RBM6: variants seen among roughly 807,000 people sequenced by gnomAD.
RBM6 encodes the protein RNA-binding protein 6.
A neutral mutation model predicts 140.4 loss-of-function variants in RBM6; 23 were observed. The ratio of observed to expected loss-of-function variants is 0.16; its 90% CI spans 0.12 to 0.23. The LOEUF is 0.23. Ranked by LOEUF, RBM6 falls within the 10% of genes least tolerant of loss-of-function variation. The probability of loss-of-function intolerance (pLI) is 1.00; values close to 1 mark genes in which losing one functional copy is unlikely to be tolerated. For synonymous variants in RBM6, 439 were observed against 475.6 expected (o/e 0.92, Z 1.00); for missense variants, 1,139 against 1,386.7 (o/e 0.82, Z 2.84).
At chr3:49,940,960 A>AT (rs1292425214) in intron 1 of RBM6, 2 of 119,618 alleles carry the variant, frequency 1.7e-5, no homozygotes, top group African/African-American at 6.7e-5. Flanking sequence ...GCGTAATTGT[A>AT]TTTTTTGCAT....
At chr3:50,043,571 C>CAT (rs756906862) in intron 6 of RBM6, among the ~76,000 whole-genome samples, 38 of 150,382 alleles carry the variant, frequency 2.5e-4, no homozygotes, top group Non-Finnish European at 4.3e-4. Flanking sequence ...TATGTACACA[C>CAT]ATATATATAT....
intron 6 of RBM6, among the ~76,000 whole-genome samples, chr3:50,041,138 G>T (rs927403160): frequency 2.0e-5 from 3 of 152,216 alleles, no homozygotes; most frequent in African/African-American, 7.2e-5. Flanking sequence ...TTTTTGTTGT[G>T]CTTTCATCTA....
intron 6 of RBM6, among the ~76,000 whole-genome samples, chr3:50,003,308 TAAAAAAAAA>T (rs61492386): frequency 3.5e-5 from 4 of 112,786 alleles, no homozygotes; most frequent in African/African-American, 1.4e-4. Context: ...TGTCTAAATT[TAAAAAAAAA>T]AAAAAAAAAA....
At chr3:50,018,583 T>G (rs922629937) in intron 6 of RBM6, among the ~76,000 whole-genome samples, 56 of 34,178 alleles carry the variant, frequency 1.6e-3, no homozygotes, top group South Asian at 7.9e-3. Context: ...AGGAGTGTGT[T>G]TTTTTTTTTT....
At position 49,962,463 on chromosome 3, in the gene RBM6, A is replaced by C. The variant is rs2084327897; in HGVS notation, c.-66-113A>C. On this transcript the variant is annotated intron_variant, in intron 1 of 20. Coordinates refer to ENST00000266022, the MANE Select transcript of RBM6 (RefSeq NM_005777.3). ...AAAAAAGAAAAGAAAGAAAAGAAAG[A>C]CCTTCAAAATTATTGCTGCTGATGT... The C allele has an allele frequency of 6.6e-6, 4 of 601,784 alleles. No homozygotes were observed. In the South Asian group the frequency reaches 9.3e-5, roughly 14 times the overall value. The allele number at this position is 601,784 out of a possible 1,614,324, so 37.3% of individuals were successfully genotyped here.
At chr3:49,987,484 T>G (rs2108691935) in intron 5 of RBM6, among the ~76,000 whole-genome samples, 1 of 151,716 alleles carries the variant, frequency 6.6e-6, no homozygotes, top group South Asian at 2.1e-4. Flanking sequence ...CCCAGCTAAA[T>G]TTTTTGTAAT....
chr3:50,041,681 G>C (rs1461940171), intron 6 of RBM6, among the ~76,000 whole-genome samples: 2 of 152,158 alleles, frequency 1.3e-5, no homozygotes, highest in East Asian at 3.8e-4. Flanking sequence ...TTTACTAGTA[G>C]CACTCTTTAT....
intron 7 of RBM6, among the ~76,000 whole-genome samples, chr3:50,053,096 A>C (rs1226006037): frequency 6.6e-6 from 1 of 151,688 alleles, no homozygotes; most frequent in Admixed American, 6.6e-5. Flanking sequence ...ATCTTCCTCA[A>C]GTGAGTTAAC....
At chr3:49,977,601 T>G (rs773544369) in intron 5 of RBM6, among the ~76,000 whole-genome samples, 53 of 152,224 alleles carry the variant, frequency 3.5e-4, no homozygotes, top group Non-Finnish European at 6.3e-4. Flanking sequence ...TTATTCCTTC[T>G]TGTTTCCACC....
intron 6 of RBM6, among the ~76,000 whole-genome samples, chr3:50,041,764 G>C (rs1450498340): frequency 6.6e-6 from 1 of 152,190 alleles, no homozygotes; most frequent in Non-Finnish European, 1.5e-5. Flanking sequence ...ACCAGTTTGA[G>C]GGATTGGCAG....
intron 6 of RBM6, among the ~76,000 whole-genome samples, chr3:50,017,445 C>CTATG (rs571389197): frequency 3.1e-4 from 47 of 151,436 alleles, no homozygotes; most frequent in Non-Finnish European, 6.3e-4. Flanking sequence ...GAAGTCCCAG[C>CTATG]TATGTGGGAG....
chr3:50,024,128 A>T (rs2087665734), intron 6 of RBM6, among the ~76,000 whole-genome samples: 1 of 152,212 alleles, frequency 6.6e-6, no homozygotes, highest in Non-Finnish European at 1.5e-5. Context: ...TTTTAAAATG[A>T]TGTGGCTTAG....
intron 1 of RBM6, among the ~76,000 whole-genome samples, chr3:49,947,535 C>T (rs532747790): frequency 6.6e-6 from 1 of 152,240 alleles, no homozygotes; most frequent in South Asian, 2.1e-4. Flanking sequence ...CAAATATTTT[C>T]TCTCTGTGGT....
intron 1 of RBM6, among the ~76,000 whole-genome samples, chr3:49,949,413 G>A (rs1041908545): frequency 6.6e-6 from 1 of 151,544 alleles, no homozygotes; most frequent in Non-Finnish European, 1.5e-5. Context: ...TTTTTTTTGA[G>A]ACGGAGTCTC....
chr3:49,989,295 C>T (rs1377248217), intron 5 of RBM6, among the ~76,000 whole-genome samples: 1 of 152,146 alleles, frequency 6.6e-6, no homozygotes, highest in Non-Finnish European at 1.5e-5. Context: ...TATTTGTGGG[C>T]CAGGCCCGGT....
chr3:50,071,944 C>T (rs764516061), intron 19 of RBM6, among the ~76,000 whole-genome samples: 21 of 150,574 alleles, frequency 1.4e-4, no homozygotes, highest in South Asian at 4.2e-4. Flanking sequence ...ATTAGCTGGG[C>T]GCTGTGGCAG....
intron 6 of RBM6, among the ~76,000 whole-genome samples, chr3:50,039,783 G>T (rs932709646): frequency 5.9e-5 from 9 of 152,294 alleles, no homozygotes; most frequent in African/African-American, 2.2e-4. Context: ...TGCCCTGTCT[G>T]CCTCACAGTC....
In RBM6 at chr3:50,040,466, AAAAAAATATATATAT is replaced by A. The variant is rs1482703266; in HGVS notation, c.1558-7777_1558-7763del. ...TTCTCAAAAAAAAAAAAAAAAAAAA[AAAAAAATATATATAT>A]ATATATATATATACACACACACACA... On this transcript the variant is annotated intron_variant, in intron 6 of 20. Transcript: ENST00000266022. Among the ~76,000 whole-genome samples, 18 of 34,250 alleles carry A rather than the reference AAAAAAATATATATAT, an allele frequency of 5.3e-4. No homozygotes were observed. The South Asian group carries it at 0.025, about 47-fold the overall frequency. 22.5% of individuals were successfully genotyped at this position (34,250 alleles called of 152,430 possible).
At position 50,054,326 on chromosome 3, in the gene RBM6, TC is replaced by T. The variant is rs1368565669; in HGVS notation, c.1633-7del. ...TTTTCAGTCAAATTGATTTCCTTCT[TC>T]CTTACAGTGTAAGGCAAACATTGGT... On this transcript the variant is annotated splice_polypyrimidine_tract_variant and splice_region_variant and intron_variant, in intron 7 of 20. Coordinates refer to ENST00000266022, the MANE Select transcript of RBM6 (RefSeq NM_005777.3). The T allele has an allele frequency of 6.2e-7, 1 of 1,602,276 alleles. No individual in the cohort carries two copies. Among genetic ancestry groups the T allele is most frequent in the Non-Finnish European group, 8.6e-7 (1 of 1,169,362 alleles).
Sources: allele counts gnomAD v4.1 joint callset (sites outside exome capture counted in the v4.1 genomes callset), GRCh38; gene constraint gnomAD v4.1.1; transcripts MANE v1.5; gene names NCBI Gene and HGNC (gene_info 2026-07-23, HGNC 2026-07-21).